The following HMGCL variants were observed in gnomAD, a reference collection of about 807,000 sequenced individuals.
HMGCL encodes the protein 3-hydroxy-3-methylglutaryl-CoA lyase, also known as hydroxymethylglutaryl-CoA lyase, mitochondrial.
A neutral mutation model predicts 37.3 loss-of-function variants in HMGCL; 26 were observed. The ratio of observed to expected loss-of-function variants is 0.70; its 90% CI spans 0.51 to 0.97. HMGCL has a LOEUF of 0.97. HMGCL is among the 50% of genes least tolerant of loss of function. HMGCL has a pLI of 0.00. For synonymous variants in HMGCL, 151 were observed against 148.0 expected (o/e 1.02, Z -0.15); for missense variants, 379 against 398.1 (o/e 0.95, Z 0.41).
At chr1:23,803,050 T>C (rs72872182) in intron 8 of HMGCL, among the ~76,000 whole-genome samples, 4,128 of 152,310 alleles carry the variant, frequency 0.027, 189 homozygotes, top group African/African-American at 0.092. Flanking sequence ...CTTTTTTTTT[T>C]TGGAGACAGA....
intron 6 of HMGCL, among the ~76,000 whole-genome samples, chr1:23,808,767 C>T (rs1232632503): frequency 3.0e-5 from 4 of 131,470 alleles, no homozygotes; most frequent in South Asian, 4.8e-4. Context: ...TTTTTGAGAC[C>T]GGGTCTCACT....
At chr1:23,804,719 C>G (rs1638370445) in intron 7 of HMGCL, among the ~76,000 whole-genome samples, 194 bp from the exon 8 acceptor site, 1 of 152,158 alleles carries the variant, frequency 6.6e-6, no homozygotes, top group African/African-American at 2.4e-5. Flanking sequence ...TAAACTGTTT[C>G]CTCTGCCAGC....
intron 1 of HMGCL, among the ~76,000 whole-genome samples, chr1:23,823,346 A>ATATT (rs57499593): frequency 0.58 from 85,337 of 147,796 alleles, 24,647 homozygotes; most frequent in South Asian, 0.7. Flanking sequence ...AGCCATTTAC[A>ATATT]TATTTATTTA....
chr1:23,814,133 G>T, intron 5 of HMGCL, 57 bp downstream of exon 5: 1 of 1,596,556 alleles, frequency 6.3e-7, no homozygotes, highest in Non-Finnish European at 8.6e-7. Context: ...TTGAGTCAGA[G>T]TCTAGCCCCA....
rs1638363122 is a variant in HMGCL, at chr1:23,804,435, G to A, written c.841C>T (p.Leu281=). Residue 281 remains leucine (L), a synonymous_variant, in exon 8 of 9, where the codon CTG becomes TTG. Coordinates refer to ENST00000374490, the MANE Select transcript of HMGCL (RefSeq NM_000191.3). The part of the protein sequence containing the change: ...GASGNLATED[L]VYMLEGLGIH... ...CCCAAGCCCTCTAGCATGTAGACCAGGTCTTCTGTGGCCAAGTTTCCTGAT... is the reference window on the plus strand; with the variant it reads ...CCCAAGCCCTCTAGCATGTAGACCAAGTCTTCTGTGGCCAAGTTTCCTGAT... 2 of 1,614,212 alleles carry A rather than the reference G, an allele frequency of 1.2e-6. No homozygotes were observed. The highest frequency in any genetic ancestry group is 1.7e-6 in the Non-Finnish European group (2 of 1,180,040).
At chr1:23,805,321 T>C (rs1638387589) in intron 7 of HMGCL, among the ~76,000 whole-genome samples, 1 of 152,178 alleles carries the variant, frequency 6.6e-6, no homozygotes, top group Non-Finnish European at 1.5e-5. Context: ...CAGCCTGCGA[T>C]CTCTCCCATC....
intron 4 of HMGCL, 55 bp from the exon 5 acceptor site, chr1:23,814,393 T>A: frequency 6.3e-7 from 1 of 1,599,742 alleles, no homozygotes; most frequent in East Asian, 2.2e-5. Context: ...TTGTTTGAGA[T>A]GGAGTCTTGC....
chr1:23,824,202 C>T (rs1285848861), intron 1 of HMGCL, among the ~76,000 whole-genome samples: 1 of 152,180 alleles, frequency 6.6e-6, no homozygotes, highest in Non-Finnish European at 1.5e-5. Flanking sequence ...CAGTGTTAAA[C>T]TACAGGCCAG....
rs774398630 is a variant in HMGCL, at chr1:23,804,516, T to C, written c.760A>G (p.Ser254Gly). 7.4e-6 allele frequency: 12 copies of C among 1,614,048 alleles called. No homozygotes were observed. Among genetic ancestry groups the C allele is most frequent in the Non-Finnish European group, 1.0e-5 (12 of 1,180,012 alleles). ...CCTGCCACAGAAGAGTCCACGACAC[T>C]CACTCCCATCTAGAAACATAAGGAT... The part of the protein sequence containing the change: ...NTLMALQMGV[S>G]VVDSSVAGLG... Residue 254 changes from serine to glycine, a missense_variant, in exon 8 of 9, where the codon AGT becomes GGT. Transcript: ENST00000374490.
chr1:23,812,808 C>T (rs935667657), intron 5 of HMGCL, among the ~76,000 whole-genome samples: 2 of 152,182 alleles, frequency 1.3e-5, no homozygotes, highest in African/African-American at 4.8e-5. Context: ...TTGTAAACCT[C>T]ATTAAAAAGT....
intron 5 of HMGCL, among the ~76,000 whole-genome samples, chr1:23,813,396 G>A (rs1380578484): frequency 2.6e-5 from 4 of 151,036 alleles, no homozygotes; most frequent in Non-Finnish European, 4.4e-5. Context: ...TGTATTTTTA[G>A]TAAAGACGGG....
chr1:23,808,040 A>T, intron 7 of HMGCL, 95 bp downstream of exon 7: 2 of 1,177,950 alleles, frequency 1.7e-6, no homozygotes, highest in Non-Finnish European at 2.5e-6. Context: ...AACCTGGCAT[A>T]CTGGCATCAG....
intron 2 of HMGCL, among the ~76,000 whole-genome samples, chr1:23,817,933 G>A (rs962970317): frequency 3.9e-5 from 6 of 152,166 alleles, no homozygotes; most frequent in Admixed American, 6.6e-5. Context: ...TGTGTTCAGC[G>A]TATAGCTTCT....
rs143823689 is a variant in HMGCL, at chr1:23,808,149, A to C, written c.736T>G (p.Leu246Val). The part of the protein sequence containing the change: ...DTYGQALANT[L>V]MALQMGVSVV... The stretch of plus-strand genomic sequence containing the variant: ...CTTTTGATTACCTGCAGGGCCATCA[A>C]GGTGTTGGCCAGGGCTTGACCATAG... The change falls in exon 7 of 9, where the codon TTG (leucine) becomes GTG (valine). Residue 246 changes from leucine (L) to valine (V), a missense_variant. Leu to Val is a conservative substitution (Grantham distance 32). Transcript: ENST00000374490. 1 of 1,613,858 alleles carries C rather than the reference A, an allele frequency of 6.2e-7. No homozygotes were observed. The highest frequency in any genetic ancestry group is 2.2e-5 in the East Asian group (1 of 44,880).
chr1:23,804,884 C>A (rs866483753), intron 7 of HMGCL, among the ~76,000 whole-genome samples: 1 of 129,292 alleles, frequency 7.7e-6, no homozygotes, highest in South Asian at 3.2e-4. Flanking sequence ...TTACCCCCCC[C>A]CCACTTACCC....
chr1:23,810,995 T>C (rs1297687713), intron 5 of HMGCL, among the ~76,000 whole-genome samples, 196 bp from the exon 6 acceptor site: 1 of 151,982 alleles, frequency 6.6e-6, no homozygotes, highest in Non-Finnish European at 1.5e-5. Flanking sequence ...TGGGGGACAA[T>C]GGACCTACAA....
In HMGCL at chr1:23,816,554, G is replaced by A; in HGVS notation, c.348+121C>T. ...AGGGCCAGGTTTGCCCCAGGGTCTG[G>A]CTGACAGACAAGCTATTCAGATGGA... On this transcript the variant is annotated intron_variant, in intron 4 of 8. Coordinates refer to ENST00000374490, the MANE Select transcript of HMGCL (RefSeq NM_000191.3). 3 of 779,580 alleles carry A rather than the reference G, an allele frequency of 3.8e-6. No individual in the cohort carries two copies. The South Asian group carries it at 4.0e-5, about 11-fold the overall frequency. 48.3% of individuals were successfully genotyped at this position (779,580 alleles called of 1,614,324 possible).
At chr1:23,820,307 C>A (rs972073737) in intron 2 of HMGCL, among the ~76,000 whole-genome samples, 3 of 152,188 alleles carry the variant, frequency 2.0e-5, no homozygotes, top group African/African-American at 7.2e-5. Flanking sequence ...CAGGCATGAG[C>A]CACCCATCCA....
intron 8 of HMGCL, among the ~76,000 whole-genome samples, chr1:23,803,407 G>A (rs1638329892): frequency 6.6e-6 from 1 of 152,148 alleles, no homozygotes; most frequent in Non-Finnish European, 1.5e-5. Flanking sequence ...TCACCATGTC[G>A]GCCAAGCTGG....
Sources: allele counts gnomAD v4.1 joint callset (sites outside exome capture counted in the v4.1 genomes callset), GRCh38; gene constraint gnomAD v4.1.1; transcripts MANE v1.5; gene names NCBI Gene and HGNC (gene_info 2026-07-23, HGNC 2026-07-21).